The following RP9 variants were observed in gnomAD, a reference collection of about 807,000 sequenced individuals.
RP9 encodes the protein retinitis pigmentosa 9 protein.
A neutral mutation model predicts 32.6 loss-of-function variants in RP9; 23 were observed. The ratio of observed to expected loss-of-function variants is 0.71; its 90% CI spans 0.51 to 1.00. The LOEUF is 1.00. Ranked by LOEUF, RP9 falls within the 50% of genes least tolerant of loss-of-function variation. The probability of loss-of-function intolerance (pLI) is 0.00; values close to 1 mark genes in which losing one functional copy is unlikely to be tolerated. For synonymous variants in RP9, 94 were observed against 103.6 expected (o/e 0.91, Z 0.56); for missense variants, 245 against 285.3 (o/e 0.86, Z 1.02).
At position 33,109,333 on chromosome 7, in the gene RP9, C is replaced by A; in HGVS notation, c.40G>T (p.Gly14Cys). 6.9e-7 allele frequency: 1 copy of A among 1,454,710 alleles called. No homozygotes were observed. The highest frequency in any genetic ancestry group is 9.0e-7 in the Non-Finnish European group (1 of 1,107,704). The allele number at this position is 1,454,710 out of a possible 1,614,324, so 90.1% of individuals were successfully genotyped here. A position where few individuals can be genotyped will look rare whatever the true frequency, so the allele number is the denominator to read the frequency against. Residue 14 changes from glycine to cysteine, a missense_variant, in exon 1 of 6, where the codon GGC becomes TGC. Gly to Cys is a radical substitution (Grantham distance 159). Coordinates refer to ENST00000297157, the MANE Select transcript of RP9 (RefSeq NM_203288.2). This position sits in a 1 kb window ranked among gnomAD's most constrained non-coding sequence, Gnocchi z 4.9. The part of the protein sequence containing the change: ...RPGREDVGAA[G>C]ARRPREPPEQ... Reference sequence around the variant, plus strand: ...GGCGGCTCACGCGGCCGCCGCGCGCCCGCAGCCCCCACGTCCTCGCGCCCA... The same window carrying A: ...GGCGGCTCACGCGGCCGCCGCGCGCACGCAGCCCCCACGTCCTCGCGCCCA...
At position 33,109,143 on chromosome 7, in the gene RP9, C is replaced by G; in HGVS notation, c.152+78G>C. The G allele has an allele frequency of 6.9e-7, 1 of 1,449,048 alleles. No individual in the cohort carries two copies. Among genetic ancestry groups the G allele is most frequent in the Non-Finnish European group, 9.1e-7 (1 of 1,101,072 alleles). The allele number at this position is 1,449,048 out of a possible 1,614,324, so 89.8% of individuals were successfully genotyped here. ...CGGGGGCTCGGAGGACCCGGCCTAG[C>G]GCCCACCGCGGCGTCCCGCGCCCCG... On this transcript the variant is annotated intron_variant, in intron 1 of 5. Coordinates refer to ENST00000297157, the MANE Select transcript of RP9 (RefSeq NM_203288.2). This position sits in a 1 kb window ranked among gnomAD's most constrained non-coding sequence, Gnocchi z 4.9.
chr7:33,109,333 C>T lies in RP9; in HGVS notation c.40G>A (p.Gly14Ser), dbSNP rs1157860356. Reference sequence around the variant, plus strand: ...GGCGGCTCACGCGGCCGCCGCGCGCCCGCAGCCCCCACGTCCTCGCGCCCA... The same window carrying T: ...GGCGGCTCACGCGGCCGCCGCGCGCTCGCAGCCCCCACGTCCTCGCGCCCA... ...RPGREDVGAA[G>S]ARRPREPPEQ... The change falls in exon 1 of 6, where the codon GGC becomes AGC. Residue 14 changes from glycine (G) to serine (S), a missense_variant. Transcript: ENST00000297157. The surrounding 1 kb of genome is among the most constrained non-coding windows in gnomAD (Gnocchi z 4.9). 6.9e-7 allele frequency: 1 copy of T among 1,454,712 alleles called. No homozygotes were observed. The highest frequency in any genetic ancestry group is 2.4e-5 in the Admixed American group (1 of 41,016). The allele number at this position is 1,454,712 out of a possible 1,614,324, so 90.1% of individuals were successfully genotyped here.
chr7:33,100,542 CAGGA>C lies in RP9; in HGVS notation c.168_171del (p.Pro57GlyfsTer73). On this transcript the variant is annotated frameshift_variant, in exon 2 of 6. Coordinates refer to ENST00000297157, the MANE Select transcript of RP9 (RefSeq NM_203288.2). LOFTEE classifies it high-confidence loss of function. ...AACTTCACACTAACCTTGATAAGCCCAGGAGGAGGTTTTTCGTAACTGGAAAACA... is the reference window on the plus strand; with the variant it reads ...AACTTCACACTAACCTTGATAAGCCCGGAGGTTTTTCGTAACTGGAAAACA... The C allele has an allele frequency of 6.2e-7, 1 of 1,613,674 alleles. No homozygotes were observed. Among genetic ancestry groups the C allele is most frequent in the Middle Eastern group, 1.7e-4 (1 of 6,058 alleles).
chr7:33,101,304 GA>G (rs964980717), intron 1 of RP9, among the ~76,000 whole-genome samples: 2 of 152,154 alleles, frequency 1.3e-5, no homozygotes, highest in Non-Finnish European at 2.9e-5. Context: ...AGGGAAAAGT[GA>G]AAAAATTTTC....
At chr7:33,097,243 T>C in intron 4 of RP9, 28 bp downstream of exon 4, 1 of 1,493,548 alleles carries the variant, frequency 6.7e-7, no homozygotes, top group Non-Finnish European at 9.3e-7. Flanking sequence ...CTGATAAATG[T>C]AAATTGACAC....
At position 33,100,982 on chromosome 7, in the gene RP9, T is replaced by A. The variant is rs577429094; in HGVS notation, c.153-421A>T. ...ATATTTTTAGCTCAGGTCTGTCCCT[T>A]GACCCTTTAAACCTTTAGGGAAGTA... On this transcript the variant is annotated intron_variant, in intron 1 of 5. Coordinates refer to ENST00000297157, the MANE Select transcript of RP9 (RefSeq NM_203288.2). 8.6e-6 allele frequency: 3 copies of A among 346,990 alleles called. No individual in the cohort carries two copies. In the Admixed American group the frequency reaches 1.2e-4, roughly 14 times the overall value. The allele number at this position is 346,990 out of a possible 1,614,324, so 21.5% of individuals were successfully genotyped here. A position where few individuals can be genotyped will look rare whatever the true frequency, so the allele number is the denominator to read the frequency against.
chr7:33,095,958 G>T (rs1353232734), intron 5 of RP9, among the ~76,000 whole-genome samples: 1 of 151,892 alleles, frequency 6.6e-6, no homozygotes, highest in Non-Finnish European at 1.5e-5. Context: ...TCATCCTCCC[G>T]AGTGGCTGGA....
At chr7:33,105,870 G>T (rs1788491873) in intron 1 of RP9, among the ~76,000 whole-genome samples, 2 of 152,146 alleles carry the variant, frequency 1.3e-5, no homozygotes, top group Admixed American at 1.3e-4. Flanking sequence ...ACGTTCCCAT[G>T]TCACATAAAA....
chr7:33,097,172 G>T, intron 4 of RP9, 99 bp downstream of exon 4: 1 of 880,804 alleles, frequency 1.1e-6, no homozygotes, highest in Non-Finnish European at 1.9e-6. Flanking sequence ...TTCTGGGAAT[G>T]TATTTTATGT....
rs1247000189 is a variant in RP9, at chr7:33,099,318, T to G, written c.302A>C (p.Lys101Thr). 6.2e-7 allele frequency: 1 copy of G among 1,613,346 alleles called. No homozygotes were observed. The highest frequency in any genetic ancestry group is 1.7e-5 in the Admixed American group (1 of 59,970). The part of the protein sequence containing the change: ...GLWMPLGKEV[K>T]VMQCWRCKRY... Reference sequence around the variant, plus strand: ...TCTCCCACACTCACACTGCATAACTTTGACTTCTTTCCCCAGTGGCATCCA... The same window carrying G: ...TCTCCCACACTCACACTGCATAACTGTGACTTCTTTCCCCAGTGGCATCCA... The change falls in exon 3 of 6, where the codon AAA (lysine) becomes ACA (threonine). Residue 101 changes from lysine (K) to threonine (T), a missense_variant. Lys to Thr is a moderately conservative substitution (Grantham distance 78). This residue lies in a region of RP9 where 182 missense variants were observed against 175.5 expected (regional missense o/e 1.04). Coordinates refer to ENST00000297157, the MANE Select transcript of RP9 (RefSeq NM_203288.2).
chr7:33,099,550 T>A (rs1028594000), intron 2 of RP9, 114 bp from the exon 3 acceptor site: 2 of 1,097,118 alleles, frequency 1.8e-6, no homozygotes, highest in African/African-American at 3.1e-5. Flanking sequence ...CAACATCATC[T>A]TAGTTACCCC....
In RP9 at chr7:33,109,328, C is replaced by T; in HGVS notation, c.45G>A (p.Ala15=). Residue 15 remains alanine (A), a synonymous_variant, in exon 1 of 6, where the codon GCG becomes GCA. Coordinates refer to ENST00000297157, the MANE Select transcript of RP9 (RefSeq NM_203288.2). This position sits in a 1 kb window ranked among gnomAD's most constrained non-coding sequence, Gnocchi z 4.9. ...GCTCCGGCGGCTCACGCGGCCGCCG[C>T]GCGCCCGCAGCCCCCACGTCCTCGC... The part of the protein sequence containing the change: ...PGREDVGAAG[A]RRPREPPEQE... 6.9e-7 allele frequency: 1 copy of T among 1,456,728 alleles called. No individual in the cohort carries two copies. The highest frequency in any genetic ancestry group is 9.0e-7 in the Non-Finnish European group (1 of 1,108,730). The allele number at this position is 1,456,728 out of a possible 1,614,324, so 90.2% of individuals were successfully genotyped here. A position where few individuals can be genotyped will look rare whatever the true frequency, so the allele number is the denominator to read the frequency against.
intron 2 of RP9, 98 bp downstream of exon 2, chr7:33,100,433 A>G: frequency 9.4e-7 from 1 of 1,064,348 alleles, no homozygotes; most frequent in South Asian, 1.3e-5. Context: ...GCTTTTGGTA[A>G]AAGGAGATTT....
chr7:33,098,707 C>A (rs1788378751), intron 3 of RP9, among the ~76,000 whole-genome samples: 1 of 152,132 alleles, frequency 6.6e-6, no homozygotes, highest in Non-Finnish European at 1.5e-5. Flanking sequence ...ATGAAGCATT[C>A]CCATCAAAAT....
At chr7:33,101,153 T>A (rs1233335671) in intron 1 of RP9, among the ~76,000 whole-genome samples, 13 of 152,100 alleles carry the variant, frequency 8.5e-5, no homozygotes, top group African/African-American at 3.1e-4. Flanking sequence ...GCTCTCTTAT[T>A]TTAATACTTC....
In RP9 at chr7:33,095,149, C is replaced by A; in HGVS notation, c.*85G>T. On this transcript the variant is annotated 3_prime_UTR_variant, in exon 6 of 6. Transcript: ENST00000297157. ...CACATATACTCCTCTCTCGGCGTCT[C>A]TATCCTGCTGCTTTCTCTGACTGCA... 3 of 1,563,386 alleles carry A rather than the reference C, an allele frequency of 1.9e-6. No individual in the cohort carries two copies. Among genetic ancestry groups the A allele is most frequent in the Non-Finnish European group, 2.6e-6 (3 of 1,134,832 alleles).
rs74690167 is a variant in RP9 at position 33,097,398 on chromosome 7, C to T, written c.314-36G>A. On this transcript the variant is annotated intron_variant, in intron 3 of 5. Coordinates refer to ENST00000297157, the MANE Select transcript of RP9 (RefSeq NM_203288.2). ...AAAGAGAAATATTTCTGTAAGATAA[C>T]AGTTTCACCTACTCAAGATAAAGAA... 14,590 of 1,407,496 alleles carry T rather than the reference C, an allele frequency of 0.01. 956 individuals are homozygous for T. The East Asian group carries it at 0.2, about 19-fold the overall frequency. The allele number at this position is 1,407,496 out of a possible 1,614,324, so 87.2% of individuals were successfully genotyped here. A position where few individuals can be genotyped will look rare whatever the true frequency, so the allele number is the denominator to read the frequency against.
intron 2 of RP9, 66 bp downstream of exon 2, chr7:33,100,465 A>G (rs919718401): frequency 6.8e-6 from 9 of 1,317,216 alleles, no homozygotes; most frequent in East Asian, 2.3e-5. Flanking sequence ...ATTATTTTTC[A>G]TAACAAGTTA....
chr7:33,101,557 G>A (rs774895303), intron 1 of RP9, among the ~76,000 whole-genome samples: 20 of 151,162 alleles, frequency 1.3e-4, no homozygotes, highest in Non-Finnish European at 2.4e-4. Flanking sequence ...AGCTGAGATC[G>A]CACCATTGCA....
Sources: allele counts gnomAD v4.1 joint callset (sites outside exome capture counted in the v4.1 genomes callset), GRCh38; gene constraint gnomAD v4.1.1; regional missense constraint gnomAD v4.1.1; non-coding constraint Gnocchi (gnomAD v3.1); transcripts MANE v1.5; gene names NCBI Gene and HGNC (gene_info 2026-07-23, HGNC 2026-07-21).